Variants in C16orf95 observed in about 807,000 individuals in gnomAD.
C16orf95 encodes the protein chromosome 16 open reading frame 95.
In C16orf95, 41 loss-of-function variants were observed where a neutral mutation model predicts 32.1. The observed-to-expected ratio is 1.28, with a 90% CI of 1.00 to 1.66. The LOEUF (loss-of-function observed/expected upper bound fraction) is 1.66, where lower values mean the gene tolerates loss of function less well. Among genes scored for constraint, C16orf95 ranks in the 40% most tolerant of loss-of-function variants. The pLI is 0.00. For synonymous variants in C16orf95, 147 were observed against 128.9 expected, an observed-to-expected ratio of 1.14 and a Z score of -0.95; for missense variants, 399 against 325.9, an observed-to-expected ratio of 1.22 and a Z score of -1.73.
intron 3 of C16orf95, among the ~76,000 whole-genome samples, chr16:87,312,817 A>C (rs1307291869): frequency 6.6e-6 from 1 of 152,226 alleles, no homozygotes; most frequent in Non-Finnish European, 1.5e-5. Flanking sequence ...GAGCTACTAG[A>C]ATAAATAGGT....
chr16:87,305,944 C>T lies in C16orf95; in HGVS notation c.515-39G>A. 7.3e-7 allele frequency: 1 copy of T among 1,362,878 alleles called. No individual in the cohort carries two copies. The highest frequency in any genetic ancestry group is 9.4e-7 in the Non-Finnish European group (1 of 1,058,258). 84.4% of individuals were successfully genotyped at this position (1,362,878 alleles called of 1,614,324 possible). On this transcript the variant is annotated intron_variant, in intron 5 of 6. Transcript: ENST00000567970. This position sits in a 1 kb window ranked among gnomAD's most constrained non-coding sequence, Gnocchi z 4.2. ...AGGTGGGTTGAGGACAGGGCGTGTT[C>T]TCCGGGACTCTGTGAGCCACGAGGA...
rs1018980811 is a variant in C16orf95, at chr16:87,305,719, C to T, written c.701G>A (p.Arg234His). 117 of 1,500,752 alleles carry T rather than the reference C, an allele frequency of 7.8e-5. No individual in the cohort carries two copies. Among genetic ancestry groups the T allele is most frequent in the Non-Finnish European group, 1.0e-4 (114 of 1,130,678 alleles). 93.0% of individuals were successfully genotyped at this position (1,500,752 alleles called of 1,614,324 possible). The change falls in exon 6 of 7, where the codon CGC becomes CAC. Residue 234 changes from arginine to histidine, a missense_variant and splice_region_variant. Arg to His is a conservative substitution (Grantham distance 29). Transcript: ENST00000567970. The surrounding 1 kb of genome is among the most constrained non-coding windows in gnomAD (Gnocchi z 4.2). ...QAIPRVIMAI[R>H]QCFGV ...TGTCCCCCATCCCCCACCTGCTCAC[C>T]GAATGGCCATGATGACCCTCGGGAT...
At chr16:87,304,947 G>A (rs555288272) in intron 6 of C16orf95, among the ~76,000 whole-genome samples, 6 of 152,338 alleles carry the variant, frequency 3.9e-5, no homozygotes, top group East Asian at 3.9e-4. Context: ...ATGTAAATTC[G>A]ACTGTGTGTG....
chr16:87,303,331 A>C, intron 6 of C16orf95: 1 of 505,512 alleles, frequency 2.0e-6, no homozygotes, highest in Non-Finnish European at 3.6e-6. Flanking sequence ...AGGGATGATA[A>C]TGCTGGCTTT....
At position 87,317,216 on chromosome 16, in the gene C16orf95, G is replaced by A. The variant is rs1046152388; in HGVS notation, c.27C>T (p.Ser9=). 3.9e-6 allele frequency: 6 copies of A among 1,530,272 alleles called. No individual in the cohort carries two copies. Among genetic ancestry groups the A allele is most frequent in the Non-Finnish European group, 5.2e-6 (6 of 1,144,222 alleles). 94.8% of individuals were successfully genotyped at this position (1,530,272 alleles called of 1,614,324 possible). Residue 9 remains serine (S), a synonymous_variant, in exon 1 of 7, where the codon TCC becomes TCT. Coordinates refer to ENST00000567970, the MANE Select transcript of C16orf95 (RefSeq NM_001195124.3). ...CATGATGATGGTGACAACGCCGCGGGGACGGTGGGGACCGGCTCGCACGCA... is the reference window on the plus strand; with the variant it reads ...CATGATGATGGTGACAACGCCGCGGAGACGGTGGGGACCGGCTCGCACGCA... MRASRSPP[S]PRRCHHHHEA... is the part of the protein sequence containing the mutation.
In C16orf95 at chr16:87,317,087, T is replaced by A; in HGVS notation, c.152+4A>T. The A allele has an allele frequency of 6.6e-7, 1 of 1,518,408 alleles. No individual in the cohort carries two copies. The highest frequency in any genetic ancestry group is 8.8e-7 in the Non-Finnish European group (1 of 1,136,488). The allele number at this position is 1,518,408 out of a possible 1,614,324, so 94.1% of individuals were successfully genotyped here. A position where few individuals can be genotyped will look rare whatever the true frequency, so the allele number is the denominator to read the frequency against. ...GCCGCGGGCAGGATTCAGGACTCACTTGCCTGCCATCCTGCGCGCTGGGTG... is the reference window on the plus strand; with the variant it reads ...GCCGCGGGCAGGATTCAGGACTCACATGCCTGCCATCCTGCGCGCTGGGTG... On this transcript the variant is annotated splice_donor_region_variant and intron_variant, in intron 1 of 6. Transcript: ENST00000567970.
intron 5 of C16orf95, among the ~76,000 whole-genome samples, chr16:87,306,396 AC>A (rs1374943916): frequency 2.0e-5 from 3 of 152,174 alleles, no homozygotes; most frequent in Non-Finnish European, 4.4e-5. Context: ...GCTCTTCGGC[AC>A]TTTCTACACG....
Position 87,310,294 on chromosome 16 carries a change from T to C in C16orf95, c.514+3A>G. On this transcript the variant is annotated splice_donor_region_variant and intron_variant, in intron 5 of 6. Transcript: ENST00000567970. The stretch of plus-strand genomic sequence containing the variant: ...ATATGAGACACACACACACTGGAGT[T>C]ACCTTGGATGCCTTTCAAACTCTGC... 6.5e-7 allele frequency: 1 copy of C among 1,536,128 alleles called. No homozygotes were observed. The highest frequency in any genetic ancestry group is 8.7e-7 in the Non-Finnish European group (1 of 1,146,900).
chr16:87,310,375 C>T, intron 4 of C16orf95, 42 bp from the exon 5 acceptor site: 1 of 1,533,516 alleles, frequency 6.5e-7, no homozygotes, highest in East Asian at 2.4e-5. Flanking sequence ...CCTGGCGACC[C>T]TCCAAGGGGG....
intron 3 of C16orf95, among the ~76,000 whole-genome samples, chr16:87,314,174 A>G (rs1422913536): frequency 6.6e-6 from 1 of 152,176 alleles, no homozygotes; most frequent in Non-Finnish European, 1.5e-5. Flanking sequence ...GTATTTACCC[A>G]AGAAGAATGA....
Position 87,317,280 on chromosome 16 carries a change from A to G in C16orf95, c.-38T>C, listed in dbSNP as rs1393315215. ...GGCTGACGCGCCCTTTCACACACACATCGTCCGCAGGCCCTGACGCCCTGG... is the reference window on the plus strand; with the variant it reads ...GGCTGACGCGCCCTTTCACACACACGTCGTCCGCAGGCCCTGACGCCCTGG... On this transcript the variant is annotated 5_prime_UTR_variant, in exon 1 of 7. It removes an upstream start codon present in the reference 5' UTR. Transcript: ENST00000567970. 9 of 1,477,408 alleles carry G rather than the reference A, an allele frequency of 6.1e-6. No individual in the cohort carries two copies. The highest frequency in any genetic ancestry group is 4.2e-5 in the African/African-American group (3 of 71,226). 91.5% of individuals were successfully genotyped at this position (1,477,408 alleles called of 1,614,324 possible).
At chr16:87,311,886 G>C (rs1051159035) in intron 3 of C16orf95, among the ~76,000 whole-genome samples, 1 of 152,198 alleles carries the variant, frequency 6.6e-6, no homozygotes, top group Admixed American at 6.5e-5. Context: ...ATAAATGACA[G>C]ACATCGGGCA....
intron 2 of C16orf95, 128 bp downstream of exon 2, chr16:87,315,644 C>A (rs1349847181): frequency 1.9e-5 from 14 of 729,320 alleles, no homozygotes; most frequent in Non-Finnish European, 2.9e-5. Context: ...ATAGCTCCTG[C>A]AACCACACTT....
chr16:87,316,068 C>G (rs560884637), intron 1 of C16orf95, among the ~76,000 whole-genome samples: 1 of 152,138 alleles, frequency 6.6e-6, no homozygotes, highest in Non-Finnish European at 1.5e-5. Flanking sequence ...CCTGCATTCC[C>G]AAGCCAACCA....
Position 87,305,866 on chromosome 16 carries a change from C to T in C16orf95, c.554G>A (p.Arg185Gln), listed in dbSNP as rs368061028. The T allele has an allele frequency of 5.7e-5, 82 of 1,445,720 alleles. No homozygotes were observed. In the African/African-American group the frequency reaches 9.2e-4, roughly 16 times the overall value. 89.6% of individuals were successfully genotyped at this position (1,445,720 alleles called of 1,614,324 possible). The change falls in exon 6 of 7, where the codon CGG becomes CAG. Residue 185 changes from arginine (R) to glutamine (Q), a missense_variant. Transcript: ENST00000567970. The surrounding 1 kb of genome is among the most constrained non-coding windows in gnomAD (Gnocchi z 4.2). ...LDACCWHNCW[R>Q]ICGDECLLSK... The stretch of plus-strand genomic sequence containing the variant: ...CAACAGGCACTCATCACCGCAGATC[C>T]GCCAGCAGTTGTGCCAGCAGCATGC...
At position 87,314,904 on chromosome 16, in the gene C16orf95, G is replaced by C. The variant is rs928062628; in HGVS notation, c.330+67C>G. ...ATTCATATAATACTTCTAATTCTGA[G>C]GGGTGACTGGTCAACTGACATTCAC... On this transcript the variant is annotated intron_variant, in intron 3 of 6. Coordinates refer to ENST00000567970, the MANE Select transcript of C16orf95 (RefSeq NM_001195124.3). 107 of 1,344,116 alleles carry C rather than the reference G, an allele frequency of 8.0e-5. No individual in the cohort carries two copies. The Admixed American group carries it at 2.1e-3, about 27-fold the overall frequency. The allele number at this position is 1,344,116 out of a possible 1,614,324, so 83.3% of individuals were successfully genotyped here. A position where few individuals can be genotyped will look rare whatever the true frequency, so the allele number is the denominator to read the frequency against.
At chr16:87,316,377 G>A (rs558812543) in intron 1 of C16orf95, among the ~76,000 whole-genome samples, 19 of 152,312 alleles carry the variant, frequency 1.2e-4, no homozygotes, top group African/African-American at 4.3e-4. Flanking sequence ...TTGAATGTTG[G>A]CTGGATGAAG....
chr16:87,315,190 G>C, intron 2 of C16orf95, 94 bp from the exon 3 acceptor site: 4 of 1,335,132 alleles, frequency 3.0e-6, no homozygotes, highest in Admixed American at 2.5e-5. Context: ...TGCTCAGGAA[G>C]ATGGTGTCCG....
chr16:87,312,139 C>T (rs1911309635), intron 3 of C16orf95, among the ~76,000 whole-genome samples: 1 of 152,240 alleles, frequency 6.6e-6, no homozygotes, highest in Non-Finnish European at 1.5e-5. Flanking sequence ...CCTGCAGCTT[C>T]TCCAGCGGAA....
Sources: gnomAD v4.1 joint callset for allele counts (sites outside exome capture counted in the v4.1 genomes callset) on GRCh38, gnomAD v4.1.1 for gene constraint, Gnocchi (gnomAD v3.1) non-coding constraint, MANE v1.5 for transcripts, NCBI Gene and HGNC (gene_info 2026-07-23, HGNC 2026-07-21) for gene names.